RITA1: variants seen among roughly 807,000 people sequenced by gnomAD.
RITA1 encodes the protein RBPJ-interacting and tubulin-associated protein 1.
Under a neutral mutation model 8.7 loss-of-function variants are expected in RITA1, and 15 were observed. The observed-to-expected ratio is 1.72, with a 90% CI of 1.15 to 2.65. The LOEUF (loss-of-function observed/expected upper bound fraction) is 2.65. Ranked by LOEUF, RITA1 falls within the 30% of genes most tolerant of loss-of-function variation. RITA1 has a pLI of 0.00. For missense variants in RITA1, 330 were observed against 363.8 expected (o/e 0.91, Z 0.76); for synonymous variants, 145 against 156.2 (o/e 0.93, Z 0.53).
At chr12:113,187,750 C>A in intron 3 of RITA1, among the ~76,000 whole-genome samples, 1 of 87,744 alleles carries the variant, frequency 1.1e-5, no homozygotes, top group African/African-American at 4.9e-5. Context: ...GAGTGAGACC[C>A]TGTCTCCAAA....
Position 113,185,895 on chromosome 12 carries a change from C to T in RITA1, c.-323C>T, listed in dbSNP as rs1952530208. The stretch of plus-strand genomic sequence containing the variant: ...CCGGGGCCCCAGGCATTCCGGGCTG[C>T]AGATTGACGGGGATCCCGGATGCAC... On this transcript the variant is annotated 5_prime_UTR_variant, in exon 1 of 4. Coordinates refer to ENST00000548278, the MANE Select transcript of RITA1 (RefSeq NM_032848.3). 4.2e-6 allele frequency: 6 copies of T among 1,420,984 alleles called. No individual in the cohort carries two copies. Among genetic ancestry groups the T allele is most frequent in the Middle Eastern group, 4.1e-4 (2 of 4,914 alleles). The allele number at this position is 1,420,984 out of a possible 1,614,324, so 88.0% of individuals were successfully genotyped here. A position where few individuals can be genotyped will look rare whatever the true frequency, so the allele number is the denominator to read the frequency against.
In RITA1 at chr12:113,191,839, T is replaced by C. The variant is rs772177154; in HGVS notation, c.*22T>C. On this transcript the variant is annotated 3_prime_UTR_variant, in exon 4 of 4. Transcript: ENST00000548278. This position sits in a 1 kb window ranked among gnomAD's most constrained non-coding sequence, Gnocchi z 4.0. ...ATGATACTCTTTCATCAGGGTTGCC[T>C]ATGGGGCCACGGCGACAGGTATGGC... is the stretch of plus-strand genomic sequence containing the variant. 3 of 1,572,152 alleles carry C rather than the reference T, an allele frequency of 1.9e-6. No individual in the cohort carries two copies. Among genetic ancestry groups the C allele is most frequent in the Non-Finnish European group, 1.7e-6 (2 of 1,157,344 alleles).
Position 113,186,772 on chromosome 12 carries a change from T to A in RITA1, c.26T>A (p.Val9Asp). The A allele has an allele frequency of 6.2e-7, 1 of 1,613,352 alleles. No individual in the cohort carries two copies. The highest frequency in any genetic ancestry group is 8.5e-7 in the Non-Finnish European group (1 of 1,179,798). MKTPVELAVSGMQTLGLQH... is the reference protein window; with the variant it reads MKTPVELADSGMQTLGLQH... ...ATGAAGACCCCCGTGGAGCTGGCCG[T>A]CAGTGGGATGCAGACCCTCGGCCTT... is the stretch of plus-strand genomic sequence containing the variant. Residue 9 changes from valine to aspartate, a missense_variant, in exon 3 of 4, where the codon GTC (valine) becomes GAC (aspartate). Physicochemically the swap from Val to Asp is radical, Grantham distance 152. Coordinates refer to ENST00000548278, the MANE Select transcript of RITA1 (RefSeq NM_032848.3).
Position 113,191,796 on chromosome 12 carries a change from A to G in RITA1, c.789A>G (p.Lys263=), listed in dbSNP as rs756691125. ...STPRRGGATQ[K]PKPPWK ...CACGACGAGGTGGGGCCACCCAGAA[A>G]CCAAAGCCCCCTTGGAAATGATACT... The change falls in exon 4 of 4, where the codon AAA becomes AAG. Residue 263 remains lysine (K), a synonymous_variant. Coordinates refer to ENST00000548278, the MANE Select transcript of RITA1 (RefSeq NM_032848.3). The surrounding 1 kb of genome is among the most constrained non-coding windows in gnomAD (Gnocchi z 4.0). The G allele has an allele frequency of 3.1e-6, 5 of 1,605,980 alleles. No individual in the cohort carries two copies. Among genetic ancestry groups the G allele is most frequent in the Admixed American group, 1.7e-5 (1 of 59,094 alleles).
At position 113,186,690 on chromosome 12, in the gene RITA1, C is replaced by T. The variant is rs548391740; in HGVS notation, c.-57C>T. The T allele has an allele frequency of 2.2e-5, 35 of 1,593,020 alleles. No individual in the cohort carries two copies. The African/African-American group carries it at 3.8e-4, about 17-fold the overall frequency. On this transcript the variant is annotated 5_prime_UTR_variant, in exon 3 of 4. Transcript: ENST00000548278. ...TCTGACCTCCTCTCACAGGGAGCCTCGGAAGCAGGGCCTGGCCGGCAGAGC... is the reference window on the plus strand; with the variant it reads ...TCTGACCTCCTCTCACAGGGAGCCTTGGAAGCAGGGCCTGGCCGGCAGAGC...
rs748507706 is a variant in RITA1, at chr12:113,191,373, C to CA, written c.367dup (p.Ser123LysfsTer29). The CA allele has an allele frequency of 1.0e-5, 16 of 1,593,302 alleles. No individual in the cohort carries two copies. The highest frequency in any genetic ancestry group is 2.7e-5 in the African/African-American group (2 of 74,440). ...TGTTTGGCTCCCGATCTGAAGGCGC[C>CA]AGCTTCGGGGCCCCGCGGATGGCGA... On this transcript the variant is annotated frameshift_variant, in exon 4 of 4. Coordinates refer to ENST00000548278, the MANE Select transcript of RITA1 (RefSeq NM_032848.3). LOFTEE classifies it low-confidence loss of function (END_TRUNC). This position sits in a 1 kb window ranked among gnomAD's most constrained non-coding sequence, Gnocchi z 4.0.
At chr12:113,190,797 C>G (rs961622731) in intron 3 of RITA1, among the ~76,000 whole-genome samples, 7 of 152,224 alleles carry the variant, frequency 4.6e-5, no homozygotes, top group Non-Finnish European at 1.0e-4. Context: ...GTGGCTGGAA[C>G]TGTCTGTCTC....
Position 113,191,313 on chromosome 12 carries a change from C to T in RITA1, c.306C>T (p.Pro102=), listed in dbSNP as rs756366211. The part of the protein sequence containing the change: ...LTPRKKNKYR[P]ISHTPSYCDE... The stretch of plus-strand genomic sequence containing the variant: ...GCGTTTATCTTCCATTTGCCAGACC[C>T]ATCAGCCACACCCCGTCTTACTGTG... The change falls in exon 4 of 4, where the codon CCC becomes CCT. Residue 102 remains proline (P), a synonymous_variant. Coordinates refer to ENST00000548278, the MANE Select transcript of RITA1 (RefSeq NM_032848.3). This position sits in a 1 kb window ranked among gnomAD's most constrained non-coding sequence, Gnocchi z 4.0. 13 of 1,517,152 alleles carry T rather than the reference C, an allele frequency of 8.6e-6. No homozygotes were observed. The African/African-American group carries it at 1.1e-4, about 13-fold the overall frequency. The allele number at this position is 1,517,152 out of a possible 1,614,324, so 94.0% of individuals were successfully genotyped here.
chr12:113,188,240 G>A (rs542259381), intron 3 of RITA1, among the ~76,000 whole-genome samples: 12 of 142,402 alleles, frequency 8.4e-5, no homozygotes, highest in East Asian at 6.0e-4. Flanking sequence ...TTTTTGAGAC[G>A]GAGTTTTGCT....
intron 3 of RITA1, among the ~76,000 whole-genome samples, chr12:113,190,614 A>G (rs1302092399): frequency 6.6e-6 from 1 of 152,152 alleles, no homozygotes; most frequent in Non-Finnish European, 1.5e-5. Flanking sequence ...GTGCCACTAC[A>G]CTCCACTTGA....
At chr12:113,187,275 A>G (rs1952549662) in intron 3 of RITA1, 2 of 473,658 alleles carry the variant, frequency 4.2e-6, no homozygotes, top group East Asian at 6.7e-5. Flanking sequence ...ATACTTAGAA[A>G]GCTGTCAATA....
In RITA1 at chr12:113,187,061, G is replaced by A. The variant is rs759113260; in HGVS notation, c.302+13G>A. ...AGAACAAATACAGGTAATGGGGTAG[G>A]GAGATGCAAATCCTGTACTCAGTGC... On this transcript the variant is annotated intron_variant, in intron 3 of 3. Coordinates refer to ENST00000548278, the MANE Select transcript of RITA1 (RefSeq NM_032848.3). The A allele has an allele frequency of 6.5e-7, 1 of 1,542,762 alleles. No individual in the cohort carries two copies. Among genetic ancestry groups the A allele is most frequent in the South Asian group, 1.2e-5 (1 of 82,022 alleles).
intron 3 of RITA1, among the ~76,000 whole-genome samples, chr12:113,188,487 A>G (rs1031277895): frequency 2.0e-5 from 3 of 152,038 alleles, no homozygotes; most frequent in African/African-American, 7.2e-5. Context: ...GATTACAGGC[A>G]TGAGCCACCG....
chr12:113,189,212 A>G (rs1952574301), intron 3 of RITA1, among the ~76,000 whole-genome samples: 1 of 152,132 alleles, frequency 6.6e-6, no homozygotes, highest in African/African-American at 2.4e-5. Context: ...AATTCAGTCC[A>G]TAAGAACTGG....
Position 113,186,702 on chromosome 12 carries a change from C to T in RITA1, c.-45C>T, listed in dbSNP as rs952422447. ...TCACAGGGAGCCTCGGAAGCAGGGCCTGGCCGGCAGAGCACACCTGCTGTC... is the reference window on the plus strand; with the variant it reads ...TCACAGGGAGCCTCGGAAGCAGGGCTTGGCCGGCAGAGCACACCTGCTGTC... On this transcript the variant is annotated 5_prime_UTR_variant, in exon 3 of 4. Coordinates refer to ENST00000548278, the MANE Select transcript of RITA1 (RefSeq NM_032848.3). The T allele has an allele frequency of 1.3e-6, 2 of 1,599,730 alleles. No homozygotes were observed. Among genetic ancestry groups the T allele is most frequent in the Non-Finnish European group, 1.7e-6 (2 of 1,169,850 alleles).
In RITA1 at chr12:113,191,678, A is replaced by G. The variant is rs753286634; in HGVS notation, c.671A>G (p.Gln224Arg). ...ATSAPHTNGP[Q>R]DLRPSTSGVT... ...AGTGCCCCCCACACAAATGGGCCTC[A>G]GGATCTCAGGCCTTCCACGTCAGGG... The change falls in exon 4 of 4, where the codon CAG becomes CGG. Residue 224 changes from glutamine (Q) to arginine (R), a missense_variant. Gln to Arg is a conservative substitution (Grantham distance 43, BLOSUM62 1). Coordinates refer to ENST00000548278, the MANE Select transcript of RITA1 (RefSeq NM_032848.3). This position sits in a 1 kb window ranked among gnomAD's most constrained non-coding sequence, Gnocchi z 4.0. 8.7e-6 allele frequency: 14 copies of G among 1,614,036 alleles called. No individual in the cohort carries two copies. In the African/African-American group the frequency reaches 1.9e-4, roughly 22 times the overall value.
rs559855557 is a variant in RITA1 at position 113,190,263 on chromosome 12, C to T, written c.303-1047C>T. Among the ~76,000 whole-genome samples the T allele has an allele frequency of 5.3e-5, 8 of 151,506 alleles. No homozygotes were observed. The East Asian group carries it at 5.8e-4, about 11-fold the overall frequency. ...AGGAGAATCGCTTGAACCCAGGAGG[C>T]GGAGGTTGCAGTGAGCTGAGATTGC... is the stretch of plus-strand genomic sequence containing the variant. On this transcript the variant is annotated intron_variant, in intron 3 of 3. Coordinates refer to ENST00000548278, the MANE Select transcript of RITA1 (RefSeq NM_032848.3).
At chr12:113,187,123 C>T (rs1952548009) in intron 3 of RITA1, 75 bp downstream of exon 3, 2 of 1,421,998 alleles carry the variant, frequency 1.4e-6, no homozygotes, top group Non-Finnish European at 1.9e-6. Context: ...TGGTGTTCAC[C>T]TGCTCTGTGA....
chr12:113,190,586 C>T (rs1261749333), intron 3 of RITA1, among the ~76,000 whole-genome samples: 1 of 152,174 alleles, frequency 6.6e-6, no homozygotes, highest in Non-Finnish European at 1.5e-5. Context: ...GAATTTGAGG[C>T]TGCTGTGATC....
Sources: gnomAD v4.1 joint callset for allele counts (sites outside exome capture counted in the v4.1 genomes callset) on GRCh38, gnomAD v4.1.1 for gene constraint, Gnocchi (gnomAD v3.1) non-coding constraint, MANE v1.5 for transcripts, NCBI Gene and HGNC (gene_info 2026-07-23, HGNC 2026-07-21) for gene names.